GRID2: variants seen among roughly 807,000 people sequenced by gnomAD.
GRID2 encodes glutamate ionotropic receptor delta type subunit 2.
GRID2 carries 33 observed loss-of-function variants against 114.8 expected under a neutral mutation model. The observed-to-expected ratio is 0.29, with a 90% CI of 0.22 to 0.38. GRID2 has a LOEUF of 0.38. GRID2 is among the 10% of genes least tolerant of loss of function. The pLI is 1.00. For missense variants in GRID2, 1,184 were observed against 1,257.7 expected, an observed-to-expected ratio of 0.94 and a Z score of 0.89; for synonymous variants, 505 against 449.9, an observed-to-expected ratio of 1.12 and a Z score of -1.55.
chr4:93,372,243 G>T (rs1330766618), intron 8 of GRID2, among the ~76,000 whole-genome samples: 1 of 152,096 alleles, frequency 6.6e-6, no homozygotes, highest in Non-Finnish European at 1.5e-5. Flanking sequence ...GAATGGCAAA[G>T]AAATTTTTCA....
intron 2 of GRID2, among the ~76,000 whole-genome samples, chr4:92,794,905 T>TATATACACAC (rs745392261): frequency 7.8e-6 from 1 of 127,816 alleles, no homozygotes; most frequent in Non-Finnish European, 1.6e-5. Context: ...TATATATATA[T>TATATACACAC]ACACACACAC....
chr4:93,515,454 G>A, intron 13 of GRID2, 43 bp downstream of exon 13: 1 of 1,276,386 alleles, frequency 7.8e-7, no homozygotes, highest in Non-Finnish European at 1.1e-6. Flanking sequence ...ACCATTTTGT[G>A]TCCCATGCTG....
intron 1 of GRID2, among the ~76,000 whole-genome samples, chr4:93,802,295 A>G (rs1268887925): frequency 6.6e-6 from 1 of 152,200 alleles, no homozygotes; most frequent in African/African-American, 2.4e-5. Flanking sequence ...ACTTACATTT[A>G]TCTTATTCTG....
intron 1 of GRID2, among the ~76,000 whole-genome samples, chr4:92,449,682 TA>T (rs1720791716): frequency 8.0e-6 from 1 of 125,596 alleles, no homozygotes; most frequent in South Asian, 2.6e-4. Flanking sequence ...TACTGATATA[TA>T]TATATATATA....
At chr4:93,306,518 C>G (rs1409537782) in intron 8 of GRID2, among the ~76,000 whole-genome samples, 1 of 152,116 alleles carries the variant, frequency 6.6e-6, no homozygotes, top group Non-Finnish European at 1.5e-5. Context: ...TGAGATTAAA[C>G]AAAGCCTTTC....
At chr4:93,342,218 C>G (rs1351698160) in intron 8 of GRID2, among the ~76,000 whole-genome samples, 1 of 152,180 alleles carries the variant, frequency 6.6e-6, no homozygotes, top group Non-Finnish European at 1.5e-5. Flanking sequence ...AGTCCATGAT[C>G]TAGACCCTGC....
intron 3 of GRID2, among the ~76,000 whole-genome samples, chr4:93,090,956 G>A (rs1730734365): frequency 6.6e-6 from 1 of 152,126 alleles, no homozygotes; most frequent in South Asian, 2.1e-4. Flanking sequence ...CTTTGTGAGA[G>A]TAGTTGATTA....
chr4:92,856,567 G>A (rs1744200613), intron 2 of GRID2, among the ~76,000 whole-genome samples: 1 of 151,980 alleles, frequency 6.6e-6, no homozygotes, highest in Admixed American at 6.6e-5. Context: ...ATAATCAGTT[G>A]CAATCAAACT....
intron 1 of GRID2, among the ~76,000 whole-genome samples, chr4:92,521,504 T>A (rs964390803): frequency 7.9e-5 from 12 of 152,020 alleles, no homozygotes; most frequent in African/African-American, 2.9e-4. Flanking sequence ...AAACATTTAA[T>A]TCACTGAGCT....
chr4:93,045,485 C>A (rs921004810), intron 2 of GRID2, among the ~76,000 whole-genome samples: 1 of 151,950 alleles, frequency 6.6e-6, no homozygotes, highest in Admixed American at 6.6e-5. Context: ...AACAAAGGAG[C>A]TTTAGATATT....
intron 4 of GRID2, among the ~76,000 whole-genome samples, chr4:93,133,253 C>T (rs568308875): frequency 6.6e-6 from 1 of 152,242 alleles, no homozygotes; most frequent in South Asian, 2.1e-4. Context: ...ACTAAAAGAG[C>T]AGAGCTAGAT....
rs375395963 is a variant in GRID2, at chr4:93,772,469, A to G, written c.2995A>G (p.Asn999Asp). 3 of 1,606,252 alleles carry G rather than the reference A, an allele frequency of 1.9e-6. No homozygotes were observed. Among genetic ancestry groups the G allele is most frequent in the African/African-American group, 2.7e-5 (2 of 74,622 alleles). The change falls in exon 16 of 16, where the codon AAT (asparagine) becomes GAT (aspartate). Residue 999 changes from asparagine to aspartate, a missense_variant. By Grantham distance (23) the Asn-to-Asp change is conservative. This residue lies in a region of GRID2 where 717 missense variants were observed against 796.9 expected (regional missense o/e 0.90). Coordinates refer to ENST00000282020, the MANE Select transcript of GRID2 (RefSeq NM_001510.4). ...PTPTLGLNLG[N>D]DPDRGTSI ...TCCTACCCTGGGGCTCAATCTGGGTAATGATCCAGACCGAGGCACCTCCAT... is the reference window on the plus strand; with the variant it reads ...TCCTACCCTGGGGCTCAATCTGGGTGATGATCCAGACCGAGGCACCTCCAT...
chr4:92,796,706 CT>C (rs1398427830), intron 2 of GRID2, among the ~76,000 whole-genome samples: 2 of 151,740 alleles, frequency 1.3e-5, no homozygotes, highest in Non-Finnish European at 2.9e-5. Flanking sequence ...TGTTTGCTGC[CT>C]CTTGGTTGGC....
intron 1 of GRID2, among the ~76,000 whole-genome samples, chr4:92,560,014 T>C (rs779406672): frequency 2.0e-5 from 3 of 152,226 alleles, no homozygotes; most frequent in Non-Finnish European, 4.4e-5. Context: ...TCCTAACATC[T>C]GTATTATTAG....
At chr4:92,445,552 C>T (rs1733413135) in intron 1 of GRID2, among the ~76,000 whole-genome samples, 5 of 152,080 alleles carry the variant, frequency 3.3e-5, no homozygotes, top group Non-Finnish European at 1.5e-5. Flanking sequence ...TCAAAAGGAG[C>T]AATGGTGGAA....
intron 1 of GRID2, among the ~76,000 whole-genome samples, chr4:92,359,710 C>CT (rs1219149093): frequency 3.3e-5 from 5 of 151,926 alleles, no homozygotes; most frequent in Non-Finnish European, 5.9e-5. Context: ...AATTGGAAGC[C>CT]TTTCTACCAT....
intron 1 of GRID2, among the ~76,000 whole-genome samples, chr4:92,521,521 G>T (rs1724777358): frequency 4.0e-5 from 6 of 151,812 alleles, no homozygotes; most frequent in Admixed American, 3.9e-4. Flanking sequence ...AGCTATTATT[G>T]TCCTTATCTC....
intron 1 of GRID2, among the ~76,000 whole-genome samples, chr4:92,343,788 G>A (rs191812488): frequency 6.6e-6 from 1 of 152,254 alleles, no homozygotes; most frequent in Non-Finnish European, 1.5e-5. Context: ...TGGCCAGTCT[G>A]GTCTTGAACT....
At chr4:92,579,229 T>C (rs1384230047) in intron 1 of GRID2, among the ~76,000 whole-genome samples, 1 of 152,126 alleles carries the variant, frequency 6.6e-6, no homozygotes, top group Non-Finnish European at 1.5e-5. Flanking sequence ...TAAACATTCT[T>C]GCTGGACATA....
Sources: gnomAD v4.1 joint callset for allele counts (sites outside exome capture counted in the v4.1 genomes callset) on GRCh38, gnomAD v4.1.1 for gene constraint, gnomAD v4.1.1 regional missense constraint, MANE v1.5 for transcripts, NCBI Gene and HGNC (gene_info 2026-07-23, HGNC 2026-07-21) for gene names.